PRR5L: variants seen among roughly 807,000 people sequenced by gnomAD.
The protein encoded by PRR5L is proline rich 5 like.
In PRR5L, 21 loss-of-function variants were observed where a neutral mutation model predicts 36.4. The observed-to-expected ratio is 0.58, with a 90% CI of 0.41 to 0.83. The LOEUF (loss-of-function observed/expected upper bound fraction) is 0.83, where lower values mean the gene tolerates loss of function less well. Ranked by LOEUF, PRR5L falls within the 40% of genes least tolerant of loss-of-function variation. The pLI, the probability that PRR5L is intolerant of heterozygous loss-of-function variation, is 0.00. For missense variants in PRR5L, 381 were observed against 473.3 expected, an observed-to-expected ratio of 0.80 and a Z score of 1.81; for synonymous variants, 188 against 197.0, an observed-to-expected ratio of 0.95 and a Z score of 0.38.
At chr11:36,452,916 G>A (rs1228122290) in intron 8 of PRR5L, among the ~76,000 whole-genome samples, 1 of 152,250 alleles carries the variant, frequency 6.6e-6, no homozygotes, top group Non-Finnish European at 1.5e-5. Context: ...GTCACACCCA[G>A]GGAGTCAGTA....
Position 36,351,650 on chromosome 11 carries a change from T to C in PRR5L, c.-125-49347T>C, listed in dbSNP as rs12796945. Among the ~76,000 whole-genome samples, 25 of 12,856 alleles carry C rather than the reference T, an allele frequency of 1.9e-3. 3 individuals carry two copies. The East Asian group carries it at 0.074, about 38-fold the overall frequency. 8.4% of individuals were successfully genotyped at this position (12,856 alleles called of 152,430 possible). A position where few individuals can be genotyped will look rare whatever the true frequency, so the allele number is the denominator to read the frequency against. ...ATTTATATAAATATATATTTATATA[T>C]TTATATAAATATATATTTATATACT... On this transcript the variant is annotated intron_variant, in intron 1 of 8. Transcript: ENST00000530639.
intron 1 of PRR5L, among the ~76,000 whole-genome samples, chr11:36,364,828 G>A (rs1168397377): frequency 2.0e-5 from 3 of 152,140 alleles, no homozygotes; most frequent in Non-Finnish European, 4.4e-5. Context: ...CTTGTTAAAG[G>A]TGTGACGTCG....
In PRR5L at chr11:36,377,780, C is replaced by A. The variant is rs1286748542; in HGVS notation, c.-125-23217C>A. 6.6e-6 allele frequency: 1 copy of A among 152,252 alleles called. No homozygotes were observed. The highest frequency in any genetic ancestry group is 2.4e-5 in the African/African-American group (1 of 41,456). The allele number at this position is 152,252 out of a possible 1,614,324, so 9.4% of individuals were successfully genotyped here. On this transcript the variant is annotated intron_variant, in intron 1 of 8. Transcript: ENST00000530639. The surrounding 1 kb of genome is among the most constrained non-coding windows in gnomAD (Gnocchi z 5.1). ...GCGGTGCGCAAGGTTTCAATTACTG[C>A]GATGCGCCCCACAAGACGAAAGGTT...
chr11:36,435,772 T>G (rs7939955), intron 5 of PRR5L, among the ~76,000 whole-genome samples: 115,125 of 152,114 alleles, frequency 0.76, 45,962 homozygotes, highest in Non-Finnish European at 0.88. Context: ...TTCTACACTG[T>G]CCCATATTTG....
chr11:36,390,482 T>G (rs939966637), intron 1 of PRR5L, among the ~76,000 whole-genome samples: 15 of 152,200 alleles, frequency 9.9e-5, no homozygotes, highest in African/African-American at 3.6e-4. Flanking sequence ...GGCTATGGAC[T>G]GTTGGGTTCT....
intron 1 of PRR5L, among the ~76,000 whole-genome samples, chr11:36,361,916 C>T (rs764649650): frequency 9.2e-5 from 14 of 152,144 alleles, no homozygotes; most frequent in Non-Finnish European, 1.5e-4. Context: ...GTGATACAGA[C>T]GATTCCAGCA....
In PRR5L at chr11:36,296,801, A is replaced by C. The variant is rs560077139; in HGVS notation, c.-126+363A>C. Among the ~76,000 whole-genome samples, 3 of 152,348 alleles carry C rather than the reference A, an allele frequency of 2.0e-5. No individual in the cohort carries two copies. In the South Asian group the frequency reaches 6.2e-4, roughly 32 times the overall value. ...CCTATTACTGTATGTCTCTCATTGAATGAATAGTAATGATAGCAAACCCTT... is the reference window on the plus strand; with the variant it reads ...CCTATTACTGTATGTCTCTCATTGACTGAATAGTAATGATAGCAAACCCTT... On this transcript the variant is annotated intron_variant, in intron 1 of 8. Transcript: ENST00000530639.
intron 5 of PRR5L, among the ~76,000 whole-genome samples, chr11:36,437,003 T>C (rs778892402): frequency 1.2e-4 from 19 of 152,350 alleles, no homozygotes; most frequent in Non-Finnish European, 2.4e-4. Context: ...ACATTTACTA[T>C]AGTAAAACCT....
chr11:36,376,078 C>G (rs1024219680), intron 1 of PRR5L: 9 of 1,118,674 alleles, frequency 8.0e-6, no homozygotes, highest in African/African-American at 1.6e-5. Context: ...CACGGAGCTC[C>G]CTTGACCTGC....
intron 1 of PRR5L, among the ~76,000 whole-genome samples, chr11:36,309,137 C>T (rs1441916376): frequency 6.6e-6 from 1 of 152,140 alleles, no homozygotes; most frequent in Non-Finnish European, 1.5e-5. Flanking sequence ...CCTGGAATAA[C>T]AAGTGTTAAG....
chr11:36,331,027 A>G (rs895756552), intron 1 of PRR5L, among the ~76,000 whole-genome samples: 10 of 152,076 alleles, frequency 6.6e-5, no homozygotes, highest in Non-Finnish European at 1.2e-4. Context: ...GCTAGTCTTG[A>G]ACTCCCGACC....
intron 4 of PRR5L, among the ~76,000 whole-genome samples, chr11:36,426,973 G>A (rs744894): frequency 0.066 from 10,085 of 152,194 alleles, 337 homozygotes; most frequent in African/African-American, 0.076. Flanking sequence ...TTGGCAGGAG[G>A]CATGCATCAT....
At chr11:36,387,541 T>A (rs951394512) in intron 1 of PRR5L, among the ~76,000 whole-genome samples, 1 of 152,148 alleles carries the variant, frequency 6.6e-6, no homozygotes, top group Non-Finnish European at 1.5e-5. Context: ...GAGTTTGTAT[T>A]GTGTTAGGGT....
chr11:36,319,147 C>T (rs535682513), intron 1 of PRR5L, among the ~76,000 whole-genome samples: 2 of 152,284 alleles, frequency 1.3e-5, no homozygotes, highest in East Asian at 1.9e-4. Flanking sequence ...TGCAGTTAAT[C>T]GTGATTGGCT....
intron 1 of PRR5L, among the ~76,000 whole-genome samples, chr11:36,332,947 C>T (rs963216942): frequency 2.6e-5 from 4 of 152,158 alleles, no homozygotes; most frequent in Non-Finnish European, 5.9e-5. Flanking sequence ...TCCTTTATAG[C>T]AATGTAAAAT....
intron 1 of PRR5L, among the ~76,000 whole-genome samples, chr11:36,389,210 G>T (rs958521485): frequency 2.6e-5 from 4 of 152,090 alleles, no homozygotes; most frequent in Non-Finnish European, 5.9e-5. Context: ...TATGGCCTTT[G>T]TCACTTCGGT....
chr11:36,311,436 C>T (rs1201140686), intron 1 of PRR5L, among the ~76,000 whole-genome samples: 2 of 152,160 alleles, frequency 1.3e-5, no homozygotes, highest in East Asian at 1.9e-4. Flanking sequence ...CAAAGGCCTC[C>T]CTGCTTGGCC....
intron 4 of PRR5L, among the ~76,000 whole-genome samples, chr11:36,429,569 G>A (rs1337213949): frequency 6.6e-6 from 1 of 151,948 alleles, no homozygotes; most frequent in African/African-American, 2.4e-5. Context: ...AATCACAGAG[G>A]CGATCTCTAT....
intron 1 of PRR5L, among the ~76,000 whole-genome samples, chr11:36,300,205 A>T (rs575251429): frequency 2.6e-4 from 40 of 152,276 alleles, no homozygotes; most frequent in African/African-American, 9.4e-4. Context: ...TATTTGGCTC[A>T]CGTTTCTGCA....
Sources: gnomAD v4.1 joint callset for allele counts (sites outside exome capture counted in the v4.1 genomes callset) on GRCh38, gnomAD v4.1.1 for gene constraint, Gnocchi (gnomAD v3.1) non-coding constraint, MANE v1.5 for transcripts, NCBI Gene and HGNC (gene_info 2026-07-23, HGNC 2026-07-21) for gene names.